ABTB3: variants seen among roughly 807,000 people sequenced by gnomAD.
The protein encoded by ABTB3 is ankyrin repeat and BTB domain containing 3, also known as ankyrin repeat- and BTB/POZ domain-containing protein 3.
the ABTB3 span, among the ~76,000 whole-genome samples, chr12:107,422,583 C>T: frequency 6.6e-6 from 1 of 152,212 alleles, no homozygotes; most frequent in Non-Finnish European, 1.5e-5. Flanking sequence ...ATCTTGATGG[C>T]TTGGACCTTG....
At chr12:107,477,389 G>T in the ABTB3 span, among the ~76,000 whole-genome samples, 1 of 152,166 alleles carries the variant, frequency 6.6e-6, no homozygotes, top group African/African-American at 2.4e-5. Flanking sequence ...AGGCCACGTG[G>T]GTTCGCAGGC....
the ABTB3 span, among the ~76,000 whole-genome samples, chr12:107,496,056 G>A: frequency 2.6e-5 from 4 of 152,156 alleles, no homozygotes; most frequent in South Asian, 4.2e-4. Context: ...TATTACTATC[G>A]CTATCATTTG....
the ABTB3 span, among the ~76,000 whole-genome samples, chr12:107,502,454 AG>A: frequency 6.6e-6 from 1 of 152,142 alleles, no homozygotes; most frequent in Non-Finnish European, 1.5e-5. Flanking sequence ...CCAGCGTGAA[AG>A]ATGGTTCTTA....
At chr12:107,394,306 A>G in the ABTB3 span, among the ~76,000 whole-genome samples, 1 of 152,218 alleles carries the variant, frequency 6.6e-6, no homozygotes, top group Non-Finnish European at 1.5e-5. Context: ...TCCTGAGTCA[A>G]ACTAAGAACT....
chr12:107,379,410 T>A, the ABTB3 span, among the ~76,000 whole-genome samples: 17 of 152,150 alleles, frequency 1.1e-4, no homozygotes, highest in Middle Eastern at 3.4e-3. Flanking sequence ...AGAGAAGAAG[T>A]CTCACGAGAT....
the ABTB3 span, among the ~76,000 whole-genome samples, chr12:107,346,110 C>A: frequency 6.6e-6 from 1 of 152,176 alleles, no homozygotes; most frequent in African/African-American, 2.4e-5. Context: ...GGAGCTTGTG[C>A]TCATTCCCAT....
At chr12:107,631,660 G>A in the ABTB3 span, among the ~76,000 whole-genome samples, 2 of 152,184 alleles carry the variant, frequency 1.3e-5, no homozygotes, top group Non-Finnish European at 2.9e-5. Flanking sequence ...CTTGTTTGGG[G>A]TGACCTTGAA....
the ABTB3 span, among the ~76,000 whole-genome samples, chr12:107,525,916 G>C: frequency 6.6e-6 from 1 of 152,142 alleles, no homozygotes; most frequent in African/African-American, 2.4e-5. Flanking sequence ...TGAGACTTTG[G>C]AAGGATAAAT....
At chr12:107,361,342 A>G in the ABTB3 span, among the ~76,000 whole-genome samples, 5 of 151,980 alleles carry the variant, frequency 3.3e-5, no homozygotes, top group African/African-American at 9.7e-5. Flanking sequence ...TGCTTTTTTC[A>G]TTTGTCAGAT....
the ABTB3 span, among the ~76,000 whole-genome samples, chr12:107,604,820 T>C: frequency 5.9e-5 from 9 of 152,194 alleles, no homozygotes; most frequent in African/African-American, 2.2e-4. Context: ...CACTCCTGTG[T>C]TTATTGCAGC....
the ABTB3 span, among the ~76,000 whole-genome samples, chr12:107,378,559 A>G: frequency 6.6e-6 from 1 of 152,030 alleles, no homozygotes; most frequent in African/African-American, 2.4e-5. Flanking sequence ...CCAACAATGC[A>G]CCCCATCCTC....
the ABTB3 span, chr12:107,620,211 T>A: frequency 6.2e-7 from 1 of 1,600,254 alleles, no homozygotes; most frequent in Non-Finnish European, 8.5e-7. Context: ...AGAACAAAGC[T>A]GGAGGTTCCC....
At chr12:107,510,689 T>C in the ABTB3 span, among the ~76,000 whole-genome samples, 1 of 151,972 alleles carries the variant, frequency 6.6e-6, no homozygotes, top group Non-Finnish European at 1.5e-5. Context: ...GGGAAGCCGA[T>C]GAGGGCGGAT....
the ABTB3 span, among the ~76,000 whole-genome samples, chr12:107,504,150 T>A: frequency 6.6e-6 from 1 of 152,362 alleles, no homozygotes; most frequent in South Asian, 2.1e-4. Context: ...TACTCTGTAA[T>A]CAGCTCCTGA....
At chr12:107,350,723 G>A in the ABTB3 span, among the ~76,000 whole-genome samples, 1 of 152,092 alleles carries the variant, frequency 6.6e-6, no homozygotes, top group East Asian at 1.9e-4. Flanking sequence ...GGAGATTGGG[G>A]ACATTTTTAA....
At chr12:107,343,689 G>A in the ABTB3 span, among the ~76,000 whole-genome samples, 2 of 152,182 alleles carry the variant, frequency 1.3e-5, no homozygotes, top group Non-Finnish European at 2.9e-5. Context: ...CATATATAAA[G>A]GAAAGAGGTT....
At chr12:107,651,597 C>A in the ABTB3 span, 2 of 966,184 alleles carry the variant, frequency 2.1e-6, no homozygotes, top group Non-Finnish European at 3.3e-6. Context: ...AGGACTGTCT[C>A]ACCACTATAG....
At chr12:107,395,737 T>C in the ABTB3 span, among the ~76,000 whole-genome samples, 7 of 152,306 alleles carry the variant, frequency 4.6e-5, no homozygotes, top group Non-Finnish European at 7.3e-5. Context: ...TGGTCACTTA[T>C]CTCCATCTAG....
the ABTB3 span, among the ~76,000 whole-genome samples, chr12:107,516,073 C>G: frequency 6.7e-6 from 1 of 150,274 alleles, no homozygotes; most frequent in African/African-American, 2.5e-5. Context: ...ACACACCAGG[C>G]TGTGATATAA....
Sources: allele counts gnomAD v4.1 joint callset (sites outside exome capture counted in the v4.1 genomes callset), GRCh38; gene constraint gnomAD v4.1.1; transcripts MANE v1.5; gene names NCBI Gene and HGNC (gene_info 2026-07-23, HGNC 2026-07-21).